MPPE1: variants seen among roughly 807,000 people sequenced by gnomAD.
MPPE1 encodes the protein metallo phosphoesterase.
Under a neutral mutation model 43.8 loss-of-function variants are expected in MPPE1, and 28 were observed. The ratio of observed to expected loss-of-function variants is 0.64; its 90% CI spans 0.47 to 0.88. MPPE1 has a LOEUF of 0.88. Ranked by LOEUF, MPPE1 falls within the 40% of genes least tolerant of loss-of-function variation. The probability of loss-of-function intolerance (pLI) is 0.00; values close to 1 mark genes in which losing one functional copy is unlikely to be tolerated. For missense variants in MPPE1, 428 were observed against 492.2 expected (o/e 0.87, Z 1.23); for synonymous variants, 159 against 188.5 (o/e 0.84, Z 1.28).
chr18:11,895,225 A>C (rs879432170), intron 3 of MPPE1: 1 of 152,334 alleles, frequency 6.6e-6, no homozygotes, highest in African/African-American at 2.4e-5. Context: ...AGGGAGGATC[A>C]CTTGAGGCCA....
Position 11,890,506 on chromosome 18 carries a change from C to T in MPPE1, c.391-1016G>A, listed in dbSNP as rs551562901. On this transcript the variant is annotated intron_variant, in intron 4 of 10. Transcript: ENST00000588072. The stretch of plus-strand genomic sequence containing the variant: ...TGTATTTTTAGTAGACACAGGGTTT[C>T]GCCATGTTGGCCAGGCTGGTCTCGA... Among the ~76,000 whole-genome samples the T allele has an allele frequency of 1.7e-4, 26 of 152,056 alleles. No individual in the cohort carries two copies. The South Asian group carries it at 4.1e-3, about 24-fold the overall frequency.
At chr18:11,907,601 T>TC (rs2039839503) in intron 1 of MPPE1, among the ~76,000 whole-genome samples, 2 of 147,392 alleles carry the variant, frequency 1.4e-5, no homozygotes, top group East Asian at 2.0e-4. Context: ...AGCGATCCTT[T>TC]CCCCCACAAC....
chr18:11,894,890 C>T (rs1007646654), intron 3 of MPPE1, among the ~76,000 whole-genome samples: 3 of 152,256 alleles, frequency 2.0e-5, no homozygotes, highest in South Asian at 2.1e-4. Flanking sequence ...CACACCCGGC[C>T]GGCCGGTAAA....
At chr18:11,885,610 A>T in intron 10 of MPPE1, 66 bp downstream of exon 10, 1 of 1,540,326 alleles carries the variant, frequency 6.5e-7, no homozygotes, top group Non-Finnish European at 8.8e-7. Flanking sequence ...GCAATTAAAT[A>T]GTTGATTACT....
At position 11,884,935 on chromosome 18, in the gene MPPE1, T is replaced by A. The variant is rs1163199476; in HGVS notation, c.1009-308A>T. The A allele has an allele frequency of 2.3e-6, 3 of 1,292,250 alleles. No homozygotes were observed. The African/African-American group carries it at 4.5e-5, about 20-fold the overall frequency. The allele number at this position is 1,292,250 out of a possible 1,614,324, so 80.0% of individuals were successfully genotyped here. ...CCCATCAAATATAGTGGGGGATCCA[T>A]AACAGAGATTCAGAGAGGCACCGTG... On this transcript the variant is annotated intron_variant, in intron 10 of 10. Transcript: ENST00000588072.
At position 11,882,778 on chromosome 18, in the gene MPPE1, A is replaced by G. The variant is rs2036736300; in HGVS notation, c.*1667T>C. The stretch of plus-strand genomic sequence containing the variant: ...GCTTCACTTGCCTTTTGAAGAAGAA[A>G]CATTACAAAACCTTAATCTGAAGTA... On this transcript the variant is annotated 3_prime_UTR_variant, in exon 11 of 11. Transcript: ENST00000588072. 1 of 152,142 alleles carries G rather than the reference A, an allele frequency of 6.6e-6. No homozygotes were observed. The highest frequency in any genetic ancestry group is 1.5e-5 in the Non-Finnish European group (1 of 68,024). The allele number at this position is 152,142 out of a possible 1,614,324, so 9.4% of individuals were successfully genotyped here.
At chr18:11,905,001 C>G (rs2039572575) in intron 2 of MPPE1, among the ~76,000 whole-genome samples, 1 of 151,590 alleles carries the variant, frequency 6.6e-6, no homozygotes, top group South Asian at 2.1e-4. Flanking sequence ...AAACTTTTGA[C>G]AGCAGATCCT....
At chr18:11,887,250 C>A (rs924529847) in intron 6 of MPPE1, among the ~76,000 whole-genome samples, 17 of 152,004 alleles carry the variant, frequency 1.1e-4, no homozygotes, top group African/African-American at 3.9e-4. Flanking sequence ...GGTTTTTGAC[C>A]CTAAACTTGT....
intron 2 of MPPE1, among the ~76,000 whole-genome samples, chr18:11,903,571 C>G (rs1351891889): frequency 2.6e-5 from 4 of 152,100 alleles, no homozygotes; most frequent in Admixed American, 2.6e-4. Flanking sequence ...CTTTGGGAGG[C>G]CGAGGCGGGC....
At chr18:11,901,464 C>G (rs977609845) in intron 2 of MPPE1, among the ~76,000 whole-genome samples, 2 of 151,760 alleles carry the variant, frequency 1.3e-5, no homozygotes, top group Admixed American at 6.6e-5. Context: ...CTCCTGGCCT[C>G]AGGTGATCCA....
chr18:11,886,516 G>A lies in MPPE1; in HGVS notation c.850C>T (p.Arg284Trp), dbSNP rs139906247. ...PFKENYDVLS[R>W]EASQKLLWWL... The stretch of plus-strand genomic sequence containing the variant: ...TGGCAAACCTTTTGTGATGCCTCCC[G>A]TGAAAGCACGTCATAGTTCTCCTTA... Residue 284 changes from arginine to tryptophan, a missense_variant, in exon 9 of 11, where the codon CGG becomes TGG. Physicochemically the swap from Arg to Trp is moderately radical, Grantham distance 101 (BLOSUM62 -3). Transcript: ENST00000588072. This position sits in a 1 kb window ranked among gnomAD's most constrained non-coding sequence, Gnocchi z 4.1. The A allele has an allele frequency of 6.5e-5, 105 of 1,614,182 alleles. 1 individual carries two copies. Among genetic ancestry groups the A allele is most frequent in the South Asian group, 2.6e-4 (24 of 91,084 alleles).
At position 11,889,367 on chromosome 18, in the gene MPPE1, G is replaced by A. The variant is rs2037704664; in HGVS notation, c.494+20C>T. ...GTTAACAAGAGCTCTCAGGGTGCAGGGCTTTTGTGAACTACTTACTCATAA... is the reference window on the plus strand; with the variant it reads ...GTTAACAAGAGCTCTCAGGGTGCAGAGCTTTTGTGAACTACTTACTCATAA... On this transcript the variant is annotated intron_variant, in intron 5 of 10. Transcript: ENST00000588072. The A allele has an allele frequency of 6.7e-7, 1 of 1,488,504 alleles. No homozygotes were observed. Among genetic ancestry groups the A allele is most frequent in the Admixed American group, 1.8e-5 (1 of 57,066 alleles). The allele number at this position is 1,488,504 out of a possible 1,614,324, so 92.2% of individuals were successfully genotyped here.
At chr18:11,895,611 T>A (rs985374786) in intron 3 of MPPE1, among the ~76,000 whole-genome samples, 1 of 151,982 alleles carries the variant, frequency 6.6e-6, no homozygotes, top group Non-Finnish European at 1.5e-5. Flanking sequence ...TGGTCATAGC[T>A]CACTGGAGGC....
intron 10 of MPPE1, chr18:11,885,220 C>T (rs1443754483): frequency 5.7e-6 from 2 of 352,370 alleles, no homozygotes; most frequent in Non-Finnish European, 9.6e-6. Flanking sequence ...GATGCAGGAG[C>T]CCATGGCTGA....
At chr18:11,908,101 CAG>C (rs1187457838) in intron 1 of MPPE1, 98 bp downstream of exon 1, 1 of 152,144 alleles carries the variant, frequency 6.6e-6, no homozygotes, top group Non-Finnish European at 1.5e-5. Context: ...AAATAATTTG[CAG>C]AATGCTGTTT....
rs938702621 is a variant in MPPE1, at chr18:11,884,229, G to C, written c.*216C>G. 2 of 538,016 alleles carry C rather than the reference G, an allele frequency of 3.7e-6. No homozygotes were observed. The highest frequency in any genetic ancestry group is 3.8e-5 in the African/African-American group (2 of 52,986). 33.3% of individuals were successfully genotyped at this position (538,016 alleles called of 1,614,324 possible). ...TGATACATATATTTGATAAAAATGA[G>C]AAAACAGATTTGTTGTAGAGTACCT... On this transcript the variant is annotated 3_prime_UTR_variant, in exon 11 of 11. Coordinates refer to ENST00000588072, the MANE Select transcript of MPPE1 (RefSeq NM_023075.6).
chr18:11,887,177 A>T, intron 6 of MPPE1, 152 bp from the exon 7 acceptor site: 1 of 593,062 alleles, frequency 1.7e-6, no homozygotes, highest in Non-Finnish European at 3.0e-6. Flanking sequence ...GTGTATTTTT[A>T]AATATGAGTC....
chr18:11,884,694 A>G, intron 10 of MPPE1, 67 bp from the exon 11 acceptor site: 1 of 1,520,038 alleles, frequency 6.6e-7, no homozygotes, highest in Non-Finnish European at 9.1e-7. Context: ...AGTCTTAGAA[A>G]CAGCAGAGGG....
At chr18:11,896,808 C>G (rs1353998378) in intron 3 of MPPE1, among the ~76,000 whole-genome samples, 176 bp downstream of exon 3, 1 of 152,144 alleles carries the variant, frequency 6.6e-6, no homozygotes, top group Non-Finnish European at 1.5e-5. Context: ...ATTATGGGGC[C>G]CTGTATATAT....
Sources: gnomAD v4.1 joint callset for allele counts (sites outside exome capture counted in the v4.1 genomes callset) on GRCh38, gnomAD v4.1.1 for gene constraint, Gnocchi (gnomAD v3.1) non-coding constraint, MANE v1.5 for transcripts, NCBI Gene and HGNC (gene_info 2026-07-23, HGNC 2026-07-21) for gene names.